HCN1: variants seen among roughly 807,000 people sequenced by gnomAD.
The protein encoded by HCN1 is hyperpolarization activated cyclic nucleotide gated potassium channel 1.
In HCN1, 13 loss-of-function variants were observed where a neutral mutation model predicts 78.9. The observed-to-expected ratio is 0.16, with a 90% confidence interval of 0.11 to 0.26. The LOEUF is 0.26. Among genes scored for constraint, HCN1 ranks in the 10% least tolerant of loss-of-function variants. HCN1 has a pLI of 1.00. For missense variants in HCN1, 810 were observed against 1,154.3 expected (o/e 0.70, Z 4.32); for synonymous variants, 552 against 455.5 (o/e 1.21, Z -2.70).
chr5:45,377,115 G>C (rs1231969132), intron 4 of HCN1, among the ~76,000 whole-genome samples: 1 of 151,948 alleles, frequency 6.6e-6, no homozygotes, highest in Admixed American at 6.6e-5. Context: ...ACAGGTGTCA[G>C]AAAAATAGAA....
At chr5:45,631,056 A>T (rs1381055839) in intron 2 of HCN1, among the ~76,000 whole-genome samples, 1 of 152,144 alleles carries the variant, frequency 6.6e-6, no homozygotes. Flanking sequence ...GACCAAAAAC[A>T]TCCATGAGAG....
At chr5:45,640,816 C>A (rs1230761287) in intron 2 of HCN1, among the ~76,000 whole-genome samples, 1 of 150,278 alleles carries the variant, frequency 6.7e-6, no homozygotes, top group Non-Finnish European at 1.5e-5. Flanking sequence ...TTCAGGTGAT[C>A]CACTGCACCC....
At chr5:45,327,832 C>A (rs983396377) in intron 5 of HCN1, among the ~76,000 whole-genome samples, 2 of 151,544 alleles carry the variant, frequency 1.3e-5, no homozygotes, top group Non-Finnish European at 3.0e-5. Context: ...AAGCCCTCTG[C>A]AAATCAAGGA....
At chr5:45,263,777 A>G in intron 7 of HCN1, among the ~76,000 whole-genome samples, 1 of 151,668 alleles carries the variant, frequency 6.6e-6, no homozygotes, top group South Asian at 2.1e-4. Context: ...AAAATTTATT[A>G]TTTATTTATT....
In HCN1 at chr5:45,619,724, A is replaced by G. The variant is rs566472715; in HGVS notation, c.849+25461T>C. Among the ~76,000 whole-genome samples, 315 of 152,228 alleles carry G rather than the reference A, an allele frequency of 2.1e-3. 2 individuals carry two copies. Among genetic ancestry groups the G allele is most frequent in the African/African-American group, 7.4e-3 (306 of 41,564 alleles). On this transcript the variant is annotated intron_variant, in intron 2 of 7. Coordinates refer to ENST00000303230, the MANE Select transcript of HCN1 (RefSeq NM_021072.4). ...TGAAGAATGTTAAAATTAGTGGACT[A>G]AACTTTAAGGACAAACAGGATATTT...
At chr5:45,425,486 G>A (rs1222960378) in intron 3 of HCN1, among the ~76,000 whole-genome samples, 1 of 152,202 alleles carries the variant, frequency 6.6e-6, no homozygotes, top group Non-Finnish European at 1.5e-5. Flanking sequence ...GGGTAAGTTA[G>A]TGATTTTAGC....
intron 4 of HCN1, among the ~76,000 whole-genome samples, chr5:45,359,510 G>A (rs1476373724): frequency 6.6e-6 from 1 of 151,404 alleles, no homozygotes; most frequent in African/African-American, 2.4e-5. Flanking sequence ...GGGTATCTAT[G>A]TGTACATTGG....
At chr5:45,614,185 T>C (rs1744898509) in intron 2 of HCN1, among the ~76,000 whole-genome samples, 1 of 152,084 alleles carries the variant, frequency 6.6e-6, no homozygotes, top group Admixed American at 6.6e-5. Flanking sequence ...TTTCCAAAAG[T>C]TCCTCCCTCA....
chr5:45,664,971 A>G (rs1414243749), intron 1 of HCN1, among the ~76,000 whole-genome samples: 1 of 151,738 alleles, frequency 6.6e-6, no homozygotes, highest in Non-Finnish European at 1.5e-5. Context: ...AGGACTATAA[A>G]TCATGCTGCT....
chr5:45,348,697 A>G (rs1213116353), intron 5 of HCN1, among the ~76,000 whole-genome samples: 1 of 152,172 alleles, frequency 6.6e-6, no homozygotes, highest in Non-Finnish European at 1.5e-5. Flanking sequence ...CAAATGGAAA[A>G]CAAAAAAAAG....
At chr5:45,466,324 C>G (rs1741270665) in intron 2 of HCN1, among the ~76,000 whole-genome samples, 1 of 152,058 alleles carries the variant, frequency 6.6e-6, no homozygotes, top group Admixed American at 6.6e-5. Flanking sequence ...AAAAAACTAT[C>G]AAAAATAATT....
At chr5:45,416,029 A>G (rs192385470) in intron 3 of HCN1, among the ~76,000 whole-genome samples, 17 of 152,028 alleles carry the variant, frequency 1.1e-4, no homozygotes, top group Admixed American at 9.2e-4. Flanking sequence ...ATTTCTAACT[A>G]TGGTTGAAAT....
At chr5:45,683,332 G>A (rs978350708) in intron 1 of HCN1, among the ~76,000 whole-genome samples, 13 of 151,788 alleles carry the variant, frequency 8.6e-5, no homozygotes, top group African/African-American at 3.1e-4. Flanking sequence ...TTGATATATA[G>A]GAAAGTTACT....
At chr5:45,360,723 T>C (rs1168357805) in intron 4 of HCN1, among the ~76,000 whole-genome samples, 3 of 152,040 alleles carry the variant, frequency 2.0e-5, no homozygotes, top group Non-Finnish European at 2.9e-5. Flanking sequence ...CATATAATCA[T>C]AAAAATAACA....
intron 3 of HCN1, among the ~76,000 whole-genome samples, chr5:45,427,662 GTAA>G (rs1740378931): frequency 6.6e-6 from 1 of 152,078 alleles, no homozygotes. Flanking sequence ...TTGGTAAAAT[GTAA>G]TATTCCTAAG....
chr5:45,658,810 C>T (rs1014698563), intron 1 of HCN1, among the ~76,000 whole-genome samples: 3 of 151,778 alleles, frequency 2.0e-5, no homozygotes, highest in African/African-American at 7.3e-5. Flanking sequence ...CCTACGCCCA[C>T]GGAATCTCGC....
chr5:45,548,255 C>A (rs1743272888), intron 2 of HCN1, among the ~76,000 whole-genome samples: 1 of 151,152 alleles, frequency 6.6e-6, no homozygotes, highest in Admixed American at 6.6e-5. Context: ...ACTTTTTTTT[C>A]ACCAAGACTA....
intron 4 of HCN1, among the ~76,000 whole-genome samples, chr5:45,382,055 A>G (rs901149481): frequency 6.6e-6 from 1 of 152,082 alleles, no homozygotes; most frequent in Non-Finnish European, 1.5e-5. Context: ...GCCTCTTCCC[A>G]TCTCAGCGGC....
chr5:45,346,567 C>T (rs1003252583), intron 5 of HCN1, among the ~76,000 whole-genome samples: 3 of 152,316 alleles, frequency 2.0e-5, no homozygotes, highest in African/African-American at 4.8e-5. Context: ...GAGGCACTAC[C>T]TCACTCAGGA....
Sources: allele counts gnomAD v4.1 joint callset (sites outside exome capture counted in the v4.1 genomes callset), GRCh38; gene constraint gnomAD v4.1.1; transcripts MANE v1.5; gene names NCBI Gene and HGNC (gene_info 2026-07-23, HGNC 2026-07-21).